Variants in COL1A2 observed in about 807,000 individuals in gnomAD.
COL1A2 encodes collagen type I alpha 2 chain.
A neutral mutation model predicts 174.3 loss-of-function variants in COL1A2; 49 were observed. The ratio of observed to expected loss-of-function variants is 0.28; its 90% CI spans 0.22 to 0.36. The LOEUF is 0.36. Among genes scored for constraint, COL1A2 ranks in the 10% least tolerant of loss-of-function variants. The pLI is 1.00. For missense variants in COL1A2, 1,438 were observed against 1,822.7 expected, an observed-to-expected ratio of 0.79 and a Z score of 3.84; for synonymous variants, 655 against 606.6, an observed-to-expected ratio of 1.08 and a Z score of -1.17.
chr7:94,408,190 G>A lies in COL1A2; in HGVS notation c.647G>A (p.Arg216His), dbSNP rs756743425. 5.0e-5 allele frequency: 80 copies of A among 1,613,710 alleles called. No individual in the cohort carries two copies. Among genetic ancestry groups the A allele is most frequent in the Non-Finnish European group, 6.6e-5 (78 of 1,179,872 alleles). Residue 216 changes from arginine (R) to histidine (H), a missense_variant, in exon 14 of 52, where the codon CGT (arginine) becomes CAT (histidine). Physicochemically the swap from Arg to His is conservative, Grantham distance 29 (BLOSUM62 0). Coordinates refer to ENST00000297268, the MANE Select transcript of COL1A2 (RefSeq NM_000089.4). ...ENGTPGQTGA[R>H]GLPGERGRVG... The stretch of plus-strand genomic sequence containing the variant: ...AAATATTTCTGCTTCTAGGGAGCCC[G>A]TGGGCTTCCTGGTGAGAGAGGACGT...
chr7:94,427,622 T>G lies in COL1A2; in HGVS notation c.3268-5T>G. Reference sequence around the variant, plus strand: ...GCCTCTCCTATCTCACTTTCACCTTTGCAGGGCCCCCCTGGTCCCCCTGGC... The same window carrying G: ...GCCTCTCCTATCTCACTTTCACCTTGGCAGGGCCCCCCTGGTCCCCCTGGC... On this transcript the variant is annotated splice_region_variant and splice_polypyrimidine_tract_variant and intron_variant, in intron 48 of 51. Transcript: ENST00000297268. 6.2e-7 allele frequency: 1 copy of G among 1,614,052 alleles called. No homozygotes were observed. Among genetic ancestry groups the G allele is most frequent in the Non-Finnish European group, 8.5e-7 (1 of 1,179,992 alleles).
At chr7:94,424,229 T>C in intron 40 of COL1A2, 107 bp from the exon 41 acceptor site, 1 of 902,584 alleles carries the variant, frequency 1.1e-6, no homozygotes, top group African/African-American at 1.6e-5. Context: ...TAGGAGGTCA[T>C]TAGCCTTTTT....
chr7:94,425,252 A>G (rs1425132017), intron 42 of COL1A2, 28 bp downstream of exon 42: 4 of 1,584,270 alleles, frequency 2.5e-6, no homozygotes, highest in Non-Finnish European at 3.5e-6. Flanking sequence ...TTTGTAAAAT[A>G]AAACTGAGCA....
intron 12 of COL1A2, among the ~76,000 whole-genome samples, chr7:94,407,471 CTG>C (rs772467425): frequency 6.6e-5 from 10 of 152,190 alleles, no homozygotes; most frequent in Non-Finnish European, 1.3e-4. Flanking sequence ...AGTGATAACA[CTG>C]AGTGTTCAAA....
chr7:94,406,061 G>A (rs867241075), intron 11 of COL1A2, among the ~76,000 whole-genome samples, 189 bp from the exon 12 acceptor site: 26 of 152,114 alleles, frequency 1.7e-4, no homozygotes, highest in Admixed American at 3.9e-4. Context: ...CTCTCTCAAT[G>A]GCAAGAAAGT....
At chr7:94,412,745 A>G in intron 25 of COL1A2, 63 bp downstream of exon 25, 1 of 1,373,206 alleles carries the variant, frequency 7.3e-7, no homozygotes, top group Non-Finnish European at 1.0e-6. Context: ...ACCAAACTCT[A>G]GTATTTATCT....
At chr7:94,397,661 C>T (rs1791609505) in intron 1 of COL1A2, 87 bp from the exon 2 acceptor site, 3 of 762,600 alleles carry the variant, frequency 3.9e-6, no homozygotes, top group Non-Finnish European at 6.6e-6. Context: ...ATTCTATAAA[C>T]TTGTTTCTCT....
At chr7:94,422,604 G>T (rs80109332) in intron 39 of COL1A2, 1 of 213,760 alleles carries the variant, frequency 4.7e-6, no homozygotes, top group South Asian at 8.9e-5. Context: ...AAAAGAAAAG[G>T]CAAAGTCCTT....
intron 40 of COL1A2, chr7:94,424,028 A>T: frequency 5.8e-6 from 2 of 344,762 alleles, no homozygotes; most frequent in Non-Finnish European, 1.1e-5. Context: ...AAATTTTTTT[A>T]TTTGTTTCCC....
At chr7:94,425,301 T>C in intron 42 of COL1A2, 77 bp downstream of exon 42, 1 of 1,335,520 alleles carries the variant, frequency 7.5e-7, no homozygotes. Flanking sequence ...TGAGCTGAGG[T>C]TCTCTTCTTC....
At chr7:94,419,802 C>T (rs1162480497) in intron 34 of COL1A2, among the ~76,000 whole-genome samples, 2 of 152,122 alleles carry the variant, frequency 1.3e-5, no homozygotes, top group Non-Finnish European at 2.9e-5. Context: ...CTCCATGTTG[C>T]GCATTAACAA....
intron 12 of COL1A2, 68 bp from the exon 13 acceptor site, chr7:94,407,778 TA>T (rs1791832629): frequency 1.4e-6 from 2 of 1,409,404 alleles, no homozygotes; most frequent in South Asian, 2.4e-5. Context: ...AAAAATAGAG[TA>T]AAATTGCACT....
chr7:94,413,777 A>T, intron 27 of COL1A2, 34 bp downstream of exon 27: 2 of 1,613,126 alleles, frequency 1.2e-6, no homozygotes, highest in South Asian at 1.1e-5. Flanking sequence ...GCTCTTCTGC[A>T]CTAGAATGTA....
In COL1A2 at chr7:94,426,419, A is replaced by G. The variant is rs1246541197; in HGVS notation, c.2998-4A>G. The G allele has an allele frequency of 1.9e-6, 3 of 1,586,898 alleles. No individual in the cohort carries two copies. The highest frequency in any genetic ancestry group is 1.8e-5 in the Admixed American group (1 of 55,938). On this transcript the variant is annotated splice_region_variant and splice_polypyrimidine_tract_variant and intron_variant, in intron 45 of 51. Coordinates refer to ENST00000297268, the MANE Select transcript of COL1A2 (RefSeq NM_000089.4). Reference sequence around the variant, plus strand: ...GTCTTATCCATCCTTCTGTTTCTTTATAGGGCCCACAAGGCATTCGTGGCG... The same window carrying G: ...GTCTTATCCATCCTTCTGTTTCTTTGTAGGGCCCACAAGGCATTCGTGGCG...
intron 26 of COL1A2, among the ~76,000 whole-genome samples, 159 bp from the exon 27 acceptor site, chr7:94,413,531 G>T (rs1008812070): frequency 6.6e-5 from 10 of 152,204 alleles, no homozygotes; most frequent in African/African-American, 2.4e-4. Flanking sequence ...AATTTAAAAA[G>T]TTAGTAGGCA....
chr7:94,422,611 C>T, intron 39 of COL1A2: 3 of 220,404 alleles, frequency 1.4e-5, no homozygotes, highest in Admixed American at 5.2e-5. Flanking sequence ...AAGGCAAAGT[C>T]CTTCGAAACT....
At chr7:94,401,123 A>C (rs1381060248) in intron 5 of COL1A2, among the ~76,000 whole-genome samples, 1 of 152,224 alleles carries the variant, frequency 6.6e-6, no homozygotes, top group Admixed American at 6.5e-5. Context: ...AAACTCCAGC[A>C]AGAAAAAGAT....
Position 94,401,544 on chromosome 7 carries a change from A to ATT in COL1A2, c.226-12_226-11dup, listed in dbSNP as rs199593359. ...TAAAAATATTTTATATATATATATA[A>ATT]TTTTTTTTTTTTACTTCTCTAGAAC... On this transcript the variant is annotated intron_variant, in intron 5 of 51. Transcript: ENST00000297268. The ATT allele has an allele frequency of 1.7e-3, 1,632 of 949,390 alleles. 9 individuals carry two copies. Among genetic ancestry groups the ATT allele is most frequent in the African/African-American group, 0.016 (928 of 57,290 alleles). The allele number at this position is 949,390 out of a possible 1,614,324, so 58.8% of individuals were successfully genotyped here. A position where few individuals can be genotyped will look rare whatever the true frequency, so the allele number is the denominator to read the frequency against.
At chr7:94,415,075 A>T (rs1792010527) in intron 29 of COL1A2, 151 bp from the exon 30 acceptor site, 6 of 699,782 alleles carry the variant, frequency 8.6e-6, no homozygotes. Flanking sequence ...TTTCCATACT[A>T]AAAGTTGTTC....
Sources: gnomAD v4.1 joint callset for allele counts (sites outside exome capture counted in the v4.1 genomes callset) on GRCh38, gnomAD v4.1.1 for gene constraint, MANE v1.5 for transcripts, NCBI Gene and HGNC (gene_info 2026-07-23, HGNC 2026-07-21) for gene names.